Variants in DOCK3 observed in about 807,000 individuals in gnomAD.
The protein encoded by DOCK3 is dedicator of cytokinesis 3.
A neutral mutation model predicts 265.6 loss-of-function variants in DOCK3; 60 were observed. That is an observed-to-expected ratio of 0.23 (90% CI 0.18 to 0.28). DOCK3 has a LOEUF of 0.28. Among genes scored for constraint, DOCK3 ranks in the 10% least tolerant of loss-of-function variants. DOCK3 has a pLI of 1.00. For missense variants in DOCK3, 1,981 were observed against 2,594.3 expected (o/e 0.76, Z 5.14); for synonymous variants, 881 against 938.0 (o/e 0.94, Z 1.11).
intron 2 of DOCK3, chr3:50,786,798 C>T (rs2675806): frequency 0.099 from 73,574 of 739,634 alleles, 4,596 homozygotes; most frequent in Non-Finnish European, 0.12. Context: ...TTGTGCCCAA[C>T]GTGGATGCTC....
intron 12 of DOCK3, among the ~76,000 whole-genome samples, chr3:51,207,073 T>C (rs2089256820): frequency 6.6e-6 from 1 of 152,096 alleles, no homozygotes; most frequent in South Asian, 2.1e-4. Context: ...CTGGTAGTGG[T>C]TGAAGCTATG....
intron 1 of DOCK3, among the ~76,000 whole-genome samples, chr3:50,765,950 G>A (rs915155899): frequency 6.6e-6 from 1 of 151,966 alleles, no homozygotes; most frequent in Non-Finnish European, 1.5e-5. Context: ...CCTGTCTCTG[G>A]TAACCGCGGT....
intron 2 of DOCK3, among the ~76,000 whole-genome samples, chr3:50,808,371 C>G (rs183915254): frequency 6.6e-6 from 1 of 152,012 alleles, no homozygotes; most frequent in African/African-American, 2.4e-5. Flanking sequence ...TTATGACATT[C>G]ATATGAAAAT....
intron 27 of DOCK3, among the ~76,000 whole-genome samples, chr3:51,295,767 G>A (rs2082044275): frequency 6.6e-6 from 1 of 151,632 alleles, no homozygotes; most frequent in African/African-American, 2.4e-5. Flanking sequence ...TCTAGCTGGG[G>A]CAATAAGGCG....
At chr3:51,176,924 C>T (rs1019009785) in intron 12 of DOCK3, among the ~76,000 whole-genome samples, 6 of 152,158 alleles carry the variant, frequency 3.9e-5, no homozygotes, top group African/African-American at 7.2e-5. Flanking sequence ...GTAAGTTCCA[C>T]TTTTACATTT....
chr3:51,245,527 A>G (rs891004515), intron 21 of DOCK3, among the ~76,000 whole-genome samples: 9 of 150,734 alleles, frequency 6.0e-5, no homozygotes, highest in Non-Finnish European at 8.8e-5. Context: ...AGTAGCCGGG[A>G]TTATAGGCGC....
intron 2 of DOCK3, among the ~76,000 whole-genome samples, chr3:50,803,987 G>A (rs1042945882): frequency 6.6e-6 from 1 of 152,010 alleles, no homozygotes; most frequent in African/African-American, 2.4e-5. Flanking sequence ...CTCAGACAGG[G>A]CGGCCGGGCA....
chr3:50,797,940 T>G (rs2042875895), intron 2 of DOCK3, among the ~76,000 whole-genome samples: 1 of 152,152 alleles, frequency 6.6e-6, no homozygotes, highest in Non-Finnish European at 1.5e-5. Context: ...TTTATGAAAA[T>G]TATGGGGCAC....
chr3:50,759,212 T>C (rs981948556), intron 1 of DOCK3, among the ~76,000 whole-genome samples: 5 of 152,128 alleles, frequency 3.3e-5, no homozygotes, highest in African/African-American at 1.2e-4. Context: ...CTAAATTAAG[T>C]ATTTAATTTA....
At chr3:51,319,269 T>A (rs2083541639) in intron 32 of DOCK3, among the ~76,000 whole-genome samples, 1 of 152,182 alleles carries the variant, frequency 6.6e-6, no homozygotes, top group Non-Finnish European at 1.5e-5. Flanking sequence ...TAAAACAGTT[T>A]GGGAGTGTGT....
chr3:50,973,348 C>T (rs1462671058), intron 5 of DOCK3, among the ~76,000 whole-genome samples: 1 of 140,096 alleles, frequency 7.1e-6, no homozygotes, highest in Non-Finnish European at 1.5e-5. Flanking sequence ...TCCATGTGAT[C>T]TCATTGTTCA....
chr3:51,229,450 A>G, intron 18 of DOCK3, 62 bp from the exon 19 acceptor site: 1 of 194,780 alleles, frequency 5.1e-6, no homozygotes, highest in Non-Finnish European at 9.2e-6. Context: ...GACTCCGTCT[A>G]AAAAAAAAAA....
chr3:51,021,883 G>A (rs566366934), intron 5 of DOCK3, among the ~76,000 whole-genome samples: 3 of 151,956 alleles, frequency 2.0e-5, no homozygotes, highest in Admixed American at 6.6e-5. Flanking sequence ...GGCTGGTCTC[G>A]AACTCCTGAC....
chr3:50,718,201 G>A (rs1373780923), intron 1 of DOCK3, among the ~76,000 whole-genome samples: 1 of 152,048 alleles, frequency 6.6e-6, no homozygotes, highest in East Asian at 1.9e-4. Flanking sequence ...TCTTAGTTCA[G>A]CTATCAAATT....
At position 51,225,649 on chromosome 3, in the gene DOCK3, G is replaced by A; in HGVS notation, c.1253G>A (p.Gly418Asp). The A allele has an allele frequency of 1.2e-6, 2 of 1,610,296 alleles. No individual in the cohort carries two copies. Among genetic ancestry groups the A allele is most frequent in the Non-Finnish European group, 1.7e-6 (2 of 1,178,350 alleles). ...KLGFPDVIMP[G>D]DIRNDLYLTL... ...GGATGTGGCATTTCTTTCCCCGCAG[G>A]TGATATCCGCAATGACCTGTACCTA... Residue 418 changes from glycine to aspartate, a missense_variant and splice_region_variant, in exon 15 of 53, where the codon GGT (glycine) becomes GAT (aspartate). Gly to Asp is a moderately conservative substitution (Grantham distance 94). Transcript: ENST00000266037.
chr3:50,820,741 T>G lies in DOCK3; in HGVS notation c.122-20934T>G, dbSNP rs536224992. Among the ~76,000 whole-genome samples the G allele has an allele frequency of 3.3e-5, 5 of 152,150 alleles. No homozygotes were observed. The South Asian group carries it at 1.0e-3, about 32-fold the overall frequency. On this transcript the variant is annotated intron_variant, in intron 2 of 52. Coordinates refer to ENST00000266037, the MANE Select transcript of DOCK3 (RefSeq NM_004947.5). ...TAAGTTCTTTGAGAAGTCACCAAAC[T>G]GCTTCCCACAGGGGCAGAACCAATT... is the stretch of plus-strand genomic sequence containing the variant.
Position 51,362,655 on chromosome 3 carries a change from T to C in DOCK3, c.5274T>C (p.Ser1758=). Residue 1758 remains serine, a synonymous_variant, in exon 49 of 53, where the codon TCT becomes TCC. Coordinates refer to ENST00000266037, the MANE Select transcript of DOCK3 (RefSeq NM_004947.5). Reference sequence around the variant, plus strand: ...CAGCACCATCCCAGATGATTACCTCTGCCCCTTCCAGTGCCCGAGGTAAGG... The same window carrying C: ...CAGCACCATCCCAGATGATTACCTCCGCCCCTTCCAGTGCCCGAGGTAAGG... ...THSAPSQMIT[S]APSSARGSPS... is the part of the protein sequence containing the mutation. 6.2e-7 allele frequency: 1 copy of C among 1,613,786 alleles called. No individual in the cohort carries two copies. Among genetic ancestry groups the C allele is most frequent in the Non-Finnish European group, 8.5e-7 (1 of 1,179,810 alleles).
chr3:51,344,689 T>G (rs1030375926), intron 38 of DOCK3, among the ~76,000 whole-genome samples: 3 of 152,084 alleles, frequency 2.0e-5, no homozygotes, highest in Non-Finnish European at 2.9e-5. Flanking sequence ...GTAGGGAGTT[T>G]TAGAGTTAGC....
chr3:50,785,914 A>G (rs1576429134), intron 2 of DOCK3, among the ~76,000 whole-genome samples: 1 of 151,948 alleles, frequency 6.6e-6, no homozygotes, highest in East Asian at 1.9e-4. Context: ...GATAGAATTC[A>G]GCTGTGAATC....
Sources: allele counts gnomAD v4.1 joint callset (sites outside exome capture counted in the v4.1 genomes callset), GRCh38; gene constraint gnomAD v4.1.1; transcripts MANE v1.5; gene names NCBI Gene and HGNC (gene_info 2026-07-23, HGNC 2026-07-21).